The following CD74 variants were observed in gnomAD, a reference collection of about 807,000 sequenced individuals.
CD74 encodes CD74 molecule, also known as HLA class II histocompatibility antigen gamma chain.
Under a neutral mutation model 37.1 loss-of-function variants are expected in CD74, and 20 were observed. That is an observed-to-expected ratio of 0.54 (90% confidence interval 0.38 to 0.78). CD74 has a LOEUF of 0.78. Ranked by LOEUF, CD74 falls within the 30% of genes least tolerant of loss-of-function variation. CD74 has a pLI of 0.00. For missense variants in CD74, 338 were observed against 389.5 expected (o/e 0.87, Z 1.11); for synonymous variants, 150 against 152.0 (o/e 0.99, Z 0.10).
At position 150,403,951 on chromosome 5, in the gene CD74, G is replaced by A. The variant is rs1769796475; in HGVS notation, c.626-639C>T. Among the ~76,000 whole-genome samples, 1 of 152,254 alleles carries A rather than the reference G, an allele frequency of 6.6e-6. No individual in the cohort carries two copies. Among genetic ancestry groups the A allele is most frequent in the Admixed American group, 6.5e-5 (1 of 15,284 alleles). ...AGAAAAGCAATGGGCACCTTGGTAAGTCTAAGCTTCCTGTTACTGGGAGTT... is the reference window on the plus strand; with the variant it reads ...AGAAAAGCAATGGGCACCTTGGTAAATCTAAGCTTCCTGTTACTGGGAGTT... On this transcript the variant is annotated intron_variant, in intron 6 of 8. Coordinates refer to ENST00000009530, the MANE Select transcript of CD74 (RefSeq NM_001025159.3). This position sits in a 1 kb window ranked among gnomAD's most constrained non-coding sequence, Gnocchi z 4.5.
chr5:150,405,366 G>A (rs1391382520), intron 4 of CD74, 186 bp from the exon 5 acceptor site: 1 of 1,295,398 alleles, frequency 7.7e-7, no homozygotes, highest in Non-Finnish European at 9.8e-7. Flanking sequence ...TAGTCCAGCT[G>A]TTCAGCTACG....
At chr5:150,404,795 T>G (rs931411917) in intron 5 of CD74, 28 bp from the exon 6 acceptor site, 1 of 1,441,134 alleles carries the variant, frequency 6.9e-7, no homozygotes, top group African/African-American at 1.4e-5. Flanking sequence ...GGAGGTCAGG[T>G]TCGATGGCCA....
In CD74 at chr5:150,407,059, A is replaced by G. The variant is rs977883151; in HGVS notation, c.298+93T>C. The G allele has an allele frequency of 5.1e-5, 79 of 1,543,856 alleles. No individual in the cohort carries two copies. The highest frequency in any genetic ancestry group is 7.0e-5 in the Non-Finnish European group (79 of 1,127,246). On this transcript the variant is annotated intron_variant, in intron 2 of 8. Transcript: ENST00000009530. The surrounding 1 kb of genome is among the most constrained non-coding windows in gnomAD (Gnocchi z 4.4). ...GGCTGGAATTCCAAACCGGAGGGAG[A>G]GGACAGTGGGCCCAGCTGGGTGCAG...
chr5:150,406,274 C>T lies in CD74; in HGVS notation c.426G>A (p.Val142=), dbSNP rs763669213. Residue 142 remains valine, a synonymous_variant, in exon 4 of 9, where the codon GTG becomes GTA. Transcript: ENST00000009530. ...TKYGNMTEDH[V]MHLLQNADPL... ...CTGCACTCACCTGGAGCAGGTGCAT[C>T]ACATGGTCCTCTGTCATGTTGCCAT... The T allele has an allele frequency of 6.2e-7, 1 of 1,613,876 alleles. No homozygotes were observed. Among genetic ancestry groups the T allele is most frequent in the East Asian group, 2.2e-5 (1 of 44,884 alleles).
In CD74 at chr5:150,407,125, G is replaced by C. The variant is rs200423334; in HGVS notation, c.298+27C>G. On this transcript the variant is annotated intron_variant, in intron 2 of 8. Transcript: ENST00000009530. The surrounding 1 kb of genome is among the most constrained non-coding windows in gnomAD (Gnocchi z 4.4). Reference sequence around the variant, plus strand: ...AGTTGAGGGATGGTGGGAGGTGGGGGGTATCAGGATGTAGGGGTGCACGCA... The same window carrying C: ...AGTTGAGGGATGGTGGGAGGTGGGGCGTATCAGGATGTAGGGGTGCACGCA... The C allele has an allele frequency of 6.2e-7, 1 of 1,601,706 alleles. No homozygotes were observed. The highest frequency in any genetic ancestry group is 1.3e-5 in the African/African-American group (1 of 74,678).
chr5:150,408,952 A>G (rs1221645914), intron 1 of CD74, among the ~76,000 whole-genome samples: 1 of 152,078 alleles, frequency 6.6e-6, no homozygotes, highest in Non-Finnish European at 1.5e-5. Flanking sequence ...GGGTGTGGTG[A>G]CTCACGCCTG....
chr5:150,412,251 C>T (rs546666661), intron 1 of CD74, among the ~76,000 whole-genome samples: 1 of 152,356 alleles, frequency 6.6e-6, no homozygotes, highest in East Asian at 1.9e-4. Flanking sequence ...AGGCGGGAGC[C>T]ACCAGGCACA....
intron 4 of CD74, chr5:150,405,440 C>T: frequency 8.1e-7 from 1 of 1,228,328 alleles, no homozygotes; most frequent in Non-Finnish European, 1.0e-6. Context: ...GCCCCAGTGT[C>T]CTCCCTGTGG....
chr5:150,411,215 G>A (rs1456087354), intron 1 of CD74, among the ~76,000 whole-genome samples: 3 of 152,230 alleles, frequency 2.0e-5, no homozygotes, highest in Non-Finnish European at 4.4e-5. Context: ...AACAGTGGCT[G>A]AGGCCTGGTG....
Position 150,412,904 on chromosome 5 carries a change from G to A in CD74, c.-155C>T. 2.7e-6 allele frequency: 4 copies of A among 1,506,146 alleles called. No homozygotes were observed. Among genetic ancestry groups the A allele is most frequent in the Non-Finnish European group, 3.5e-6 (4 of 1,130,666 alleles). 93.3% of individuals were successfully genotyped at this position (1,506,146 alleles called of 1,614,324 possible). On this transcript the variant is annotated 5_prime_UTR_variant, in exon 1 of 9. Coordinates refer to ENST00000009530, the MANE Select transcript of CD74 (RefSeq NM_001025159.3). ...CTTTGGTGAAGCTGCCTTTTGCGGG[G>A]CAGGATGTGGGGCGGGGGGGCTCCC...
At chr5:150,411,843 C>T (rs1770358462) in intron 1 of CD74, among the ~76,000 whole-genome samples, 1 of 152,262 alleles carries the variant, frequency 6.6e-6, no homozygotes, top group East Asian at 1.9e-4. Context: ...CTATCATTCC[C>T]TTGATCCGTG....
At chr5:150,409,427 TG>T (rs1312928475) in intron 1 of CD74, among the ~76,000 whole-genome samples, 1 of 151,800 alleles carries the variant, frequency 6.6e-6, no homozygotes, top group African/African-American at 2.4e-5. Flanking sequence ...CTCGGGAGGC[TG>T]AGGCAGGAGA....
rs1769725324 is a variant in CD74 at position 150,402,928 on chromosome 5, G to C, written c.817+193C>G. On this transcript the variant is annotated intron_variant, in intron 7 of 8. Coordinates refer to ENST00000009530, the MANE Select transcript of CD74 (RefSeq NM_001025159.3). The surrounding 1 kb of genome is among the most constrained non-coding windows in gnomAD (Gnocchi z 4.2). ...ACAAATATGAGTGCATGTAAGAGGA[G>C]AGATGATAAATGGACAAATAGGAAT... 6.6e-6 allele frequency among the ~76,000 whole-genome samples: 1 copy of C among 152,248 alleles called. No individual in the cohort carries two copies. Among genetic ancestry groups the C allele is most frequent in the African/African-American group, 2.4e-5 (1 of 41,462 alleles).
At position 150,403,464 on chromosome 5, in the gene CD74, CTG is replaced by C. The variant is rs1769765190; in HGVS notation, c.626-154_626-153del. Among the ~76,000 whole-genome samples the C allele has an allele frequency of 6.6e-6, 1 of 152,212 alleles. No homozygotes were observed. Among genetic ancestry groups the C allele is most frequent in the African/African-American group, 2.4e-5 (1 of 41,454 alleles). On this transcript the variant is annotated intron_variant, in intron 6 of 8. Coordinates refer to ENST00000009530, the MANE Select transcript of CD74 (RefSeq NM_001025159.3). This position sits in a 1 kb window ranked among gnomAD's most constrained non-coding sequence, Gnocchi z 4.5. ...TCCAGCCATCACACGGATGGGAAAA[CTG>C]AGGCCTAGACCAACAAGGTCTGAGA...
In CD74 at chr5:150,407,566, C is replaced by T. The variant is rs1254522214; in HGVS notation, c.126-242G>A. 6.6e-6 allele frequency among the ~76,000 whole-genome samples: 1 copy of T among 152,148 alleles called. No homozygotes were observed. Among genetic ancestry groups the T allele is most frequent in the African/African-American group, 2.4e-5 (1 of 41,418 alleles). ...GTCTTCCCTGGCAGAGACCCTGCAG[C>T]TGCCACGGGCCTGAGTTGAACAGAG... On this transcript the variant is annotated intron_variant, in intron 1 of 8. Transcript: ENST00000009530. The surrounding 1 kb of genome is among the most constrained non-coding windows in gnomAD (Gnocchi z 4.4).
Position 150,406,979 on chromosome 5 carries a change from G to A in CD74, c.299-19C>T. 2 of 1,571,892 alleles carry A rather than the reference G, an allele frequency of 1.3e-6. No individual in the cohort carries two copies. Among genetic ancestry groups the A allele is most frequent in the South Asian group, 1.2e-5 (1 of 85,470 alleles). The stretch of plus-strand genomic sequence containing the variant: ...TTGGGAGCTGTGGGGACAGGAACGA[G>A]GGTAAGTGTGGCCCCGGTGCCCAGG... On this transcript the variant is annotated intron_variant, in intron 2 of 8. Coordinates refer to ENST00000009530, the MANE Select transcript of CD74 (RefSeq NM_001025159.3).
At chr5:150,406,841 G>C in intron 3 of CD74, 40 bp downstream of exon 3, 1 of 1,344,562 alleles carries the variant, frequency 7.4e-7, no homozygotes, top group Non-Finnish European at 1.0e-6. Flanking sequence ...ATCCAGGCGG[G>C]ATAACCTTGC....
chr5:150,412,879 C>A lies in CD74; in HGVS notation c.-130G>T. The A allele has an allele frequency of 6.5e-7, 1 of 1,530,658 alleles. No individual in the cohort carries two copies. Among genetic ancestry groups the A allele is most frequent in the Non-Finnish European group, 8.8e-7 (1 of 1,141,840 alleles). 94.8% of individuals were successfully genotyped at this position (1,530,658 alleles called of 1,614,324 possible). A position where few individuals can be genotyped will look rare whatever the true frequency, so the allele number is the denominator to read the frequency against. ...AGCTACAAAGGCTGGAAATACCCCA[C>A]TTTGGTGAAGCTGCCTTTTGCGGGG... is the stretch of plus-strand genomic sequence containing the variant. On this transcript the variant is annotated 5_prime_UTR_variant, in exon 1 of 9. Transcript: ENST00000009530.
intron 1 of CD74, among the ~76,000 whole-genome samples, chr5:150,410,399 C>A (rs980781132): frequency 6.6e-6 from 1 of 152,064 alleles, no homozygotes; most frequent in Admixed American, 6.6e-5. Flanking sequence ...AGTTGATTAA[C>A]CCTCTGTGTG....
Sources: gnomAD v4.1 joint callset for allele counts (sites outside exome capture counted in the v4.1 genomes callset) on GRCh38, gnomAD v4.1.1 for gene constraint, Gnocchi (gnomAD v3.1) non-coding constraint, MANE v1.5 for transcripts, NCBI Gene and HGNC (gene_info 2026-07-23, HGNC 2026-07-21) for gene names.